The following FBXL2 variants were observed in gnomAD, a reference collection of about 807,000 sequenced individuals.
FBXL2 encodes F-box and leucine rich repeat protein 2, also known as F-box/LRR-repeat protein 2.
A neutral mutation model predicts 69.2 loss-of-function variants in FBXL2; 38 were observed. The ratio of observed to expected loss-of-function variants is 0.55; its 90% CI spans 0.42 to 0.72. The LOEUF (loss-of-function observed/expected upper bound fraction) is 0.72, where lower values mean the gene tolerates loss of function less well. Among genes scored for constraint, FBXL2 ranks in the 30% least tolerant of loss-of-function variants. FBXL2 has a pLI of 0.00. For synonymous variants in FBXL2, 192 were observed against 201.3 expected (o/e 0.95, Z 0.39); for missense variants, 354 against 520.3 (o/e 0.68, Z 3.11).
intron 5 of FBXL2, among the ~76,000 whole-genome samples, chr3:33,365,853 T>C (rs2041922381): frequency 6.6e-6 from 1 of 152,216 alleles, no homozygotes; most frequent in African/African-American, 2.4e-5. Context: ...TGAGTTTGGC[T>C]AAAATTAGGA....
At chr3:33,403,486 C>CTCTATCTATCTATCTATCTATCTA (rs149670278) in exon 13 of FBXL2, 1 of 98,364 alleles carries the variant, frequency 1.0e-5, no homozygotes, top group African/African-American at 2.8e-5. Flanking sequence ...CTACATCTAT[C>CTCTATCTATCTATCTATCTATCTA]TCTATCTATC....
chr3:33,416,937 A>T, the FBXL2 span: 1 of 982,026 alleles, frequency 1.0e-6, no homozygotes, highest in Non-Finnish European at 1.5e-6. Context: ...TTACACAATG[A>T]TAGTTTGTTA....
rs2043525788 is a variant in FBXL2, at chr3:33,387,532, G to T, written c.*1924G>T. 6.6e-6 allele frequency: 1 copy of T among 152,300 alleles called. No individual in the cohort carries two copies. Among genetic ancestry groups the T allele is most frequent in the South Asian group, 2.1e-4 (1 of 4,830 alleles). The allele number at this position is 152,300 out of a possible 1,614,324, so 9.4% of individuals were successfully genotyped here. A position where few individuals can be genotyped will look rare whatever the true frequency, so the allele number is the denominator to read the frequency against. ...CAGGAGAAATGCTGGAACCCAGGAGGCGGAGGTGGCAGTGAGCCGAGATTG... is the reference window on the plus strand; with the variant it reads ...CAGGAGAAATGCTGGAACCCAGGAGTCGGAGGTGGCAGTGAGCCGAGATTG... On this transcript the variant is annotated 3_prime_UTR_variant, in exon 15 of 15. Coordinates refer to ENST00000484457, the MANE Select transcript of FBXL2 (RefSeq NM_012157.5).
rs754755158 is a variant in FBXL2 at position 33,378,120 on chromosome 3, G to C, written c.867G>C (p.Glu289Asp). Residue 289 changes from glutamate to aspartate, a missense_variant, in exon 12 of 15, where the codon GAG becomes GAC. By Grantham distance (45) the Glu-to-Asp change is conservative. Coordinates refer to ENST00000484457, the MANE Select transcript of FBXL2 (RefSeq NM_012157.5). ...TLLARNCHEL[E>D]KMDLEECILI... ...TCTTCCAGAATTGCCACGAATTGGA[G>C]AAGATGGATCTTGAAGAATGCATCC... 6.8e-6 allele frequency: 11 copies of C among 1,614,212 alleles called. No individual in the cohort carries two copies. The highest frequency in any genetic ancestry group is 9.3e-6 in the Non-Finnish European group (11 of 1,180,028).
chr3:33,405,200 A>G (rs939349358), downstream of FBXL2, among the ~76,000 whole-genome samples: 2 of 152,328 alleles, frequency 1.3e-5, no homozygotes, highest in African/African-American at 4.8e-5. Flanking sequence ...AAAAATTTTT[A>G]AAGATTTTCA....
At chr3:33,412,830 G>A in the FBXL2 span, 1 of 1,602,720 alleles carries the variant, frequency 6.2e-7, no homozygotes, top group Admixed American at 1.7e-5. Flanking sequence ...ATGATGCTCT[G>A]TGGAATAAGT....
chr3:33,377,637 G>A (rs1480384636), intron 11 of FBXL2, among the ~76,000 whole-genome samples: 3 of 152,140 alleles, frequency 2.0e-5, no homozygotes, highest in Non-Finnish European at 2.9e-5. Flanking sequence ...CCCTAACTGG[G>A]CTGTACTCTG....
intron 2 of FBXL2, among the ~76,000 whole-genome samples, chr3:33,327,337 A>G (rs2038776335): frequency 6.6e-6 from 1 of 152,168 alleles, no homozygotes; most frequent in Non-Finnish European, 1.5e-5. Context: ...AACTTGAACC[A>G]TAGCCTATTG....
the FBXL2 span, chr3:33,409,700 A>C: frequency 6.8e-7 from 1 of 1,462,124 alleles, no homozygotes; most frequent in Non-Finnish European, 9.4e-7. Context: ...TATAAATTCA[A>C]GATCCTTTAA....
At chr3:33,292,117 T>A (rs1488267353) in intron 1 of FBXL2, among the ~76,000 whole-genome samples, 12 of 152,218 alleles carry the variant, frequency 7.9e-5, no homozygotes, top group Admixed American at 5.9e-4. Context: ...CAGTGGCTCA[T>A]GCTTGTAATC....
At chr3:33,296,358 G>T (rs368550107) in intron 1 of FBXL2, among the ~76,000 whole-genome samples, 7 of 152,212 alleles carry the variant, frequency 4.6e-5, no homozygotes, top group Admixed American at 4.6e-4. Flanking sequence ...GAGCTGCCAC[G>T]CCCAGCCAGG....
intron 2 of FBXL2, among the ~76,000 whole-genome samples, chr3:33,336,568 T>C (rs1211445161): frequency 6.6e-6 from 1 of 152,188 alleles, no homozygotes; most frequent in Non-Finnish European, 1.5e-5. Flanking sequence ...TTCATAACCA[T>C]TTAAAATAAT....
chr3:33,284,304 T>C (rs2125677247), intron 1 of FBXL2, among the ~76,000 whole-genome samples: 1 of 152,358 alleles, frequency 6.6e-6, no homozygotes, highest in African/African-American at 2.4e-5. Context: ...CATTTCGTTA[T>C]ATACCCAGTA....
intron 2 of FBXL2, among the ~76,000 whole-genome samples, chr3:33,339,942 G>A (rs76547599): frequency 0.015 from 2,235 of 152,314 alleles, 49 homozygotes; most frequent in African/African-American, 0.05. Context: ...GAACACTACA[G>A]AGCAAAAAGT....
At chr3:33,306,286 AGTCAG>A (rs2036709296) in intron 2 of FBXL2, among the ~76,000 whole-genome samples, 1 of 152,032 alleles carries the variant, frequency 6.6e-6, no homozygotes, top group Non-Finnish European at 1.5e-5. Flanking sequence ...TACAATATAT[AGTCAG>A]AGAACTACAC....
intron 2 of FBXL2, among the ~76,000 whole-genome samples, chr3:33,352,277 A>G (rs1053669103): frequency 6.6e-6 from 1 of 152,314 alleles, no homozygotes. Flanking sequence ...ATCTGTATTT[A>G]AAAAGATGAA....
chr3:33,386,807 G>GTCAA lies in FBXL2; in HGVS notation c.*1203_*1206dup, dbSNP rs59581460. 11 of 151,778 alleles carry GTCAA rather than the reference G, an allele frequency of 7.2e-5. No individual in the cohort carries two copies. The highest frequency in any genetic ancestry group is 1.9e-4 in the East Asian group (1 of 5,148). The allele number at this position is 151,778 out of a possible 1,614,324, so 9.4% of individuals were successfully genotyped here. ...TATTTATGATCTTTATTAAGAACCTGTCAATCAGTCATCACCACCTTCATT... is the reference window on the plus strand; with the variant it reads ...TATTTATGATCTTTATTAAGAACCTGTCAATCAATCAGTCATCACCACCTTCATT... On this transcript the variant is annotated 3_prime_UTR_variant, in exon 15 of 15. Transcript: ENST00000484457.
At chr3:33,277,347 T>C, upstream of FBXL2, 1 of 614,318 alleles carries the variant, frequency 1.6e-6, no homozygotes, top group Non-Finnish European at 2.4e-6. Context: ...GGGTGGGCGG[T>C]CCAAAGGGCA....
chr3:33,409,145 C>T, the FBXL2 span: 1 of 1,271,358 alleles, frequency 7.9e-7, no homozygotes, highest in Non-Finnish European at 1.1e-6. Context: ...ACCCAATCTT[C>T]CCCAACCCTT....
Sources: gnomAD v4.1 joint callset for allele counts (sites outside exome capture counted in the v4.1 genomes callset) on GRCh38, gnomAD v4.1.1 for gene constraint, MANE v1.5 for transcripts, NCBI Gene and HGNC (gene_info 2026-07-23, HGNC 2026-07-21) for gene names.